PREP: variants seen among roughly 807,000 people sequenced by gnomAD.
The protein encoded by PREP is dJ355L5.1 (prolyl endopeptidase).
Under a neutral mutation model 87.6 loss-of-function variants are expected in PREP, and 29 were observed. That is an observed-to-expected ratio of 0.33 (90% CI 0.25 to 0.45). The LOEUF is 0.45. Among genes scored for constraint, PREP ranks in the 20% least tolerant of loss-of-function variants. The pLI, the probability that PREP is intolerant of heterozygous loss-of-function variation, is 1.00. For missense variants in PREP, 695 were observed against 886.5 expected (o/e 0.78, Z 2.74); for synonymous variants, 337 against 328.6 (o/e 1.03, Z -0.28).
At chr6:105,353,701 G>C (rs948212164) in intron 6 of PREP, among the ~76,000 whole-genome samples, 1 of 148,968 alleles carries the variant, frequency 6.7e-6, no homozygotes, top group African/African-American at 2.5e-5. Context: ...GAACCCAGGA[G>C]ACGGAGGTTG....
intron 4 of PREP, among the ~76,000 whole-genome samples, chr6:105,374,934 G>A (rs964892101): frequency 6.6e-5 from 10 of 151,934 alleles, no homozygotes; most frequent in East Asian, 1.9e-4. Context: ...ATGCATTATC[G>A]GGGTGGGAGT....
intron 6 of PREP, among the ~76,000 whole-genome samples, chr6:105,353,374 T>G (rs1772007713): frequency 6.6e-6 from 1 of 152,230 alleles, no homozygotes; most frequent in Non-Finnish European, 1.5e-5. Context: ...GTCTATTCTT[T>G]AAACTGAAAA....
chr6:105,277,927 T>A lies in PREP; in HGVS notation c.*217A>T. 7.7e-6 allele frequency: 5 copies of A among 649,260 alleles called. No individual in the cohort carries two copies. The highest frequency in any genetic ancestry group is 1.3e-5 in the Non-Finnish European group (5 of 390,880). 40.2% of individuals were successfully genotyped at this position (649,260 alleles called of 1,614,324 possible). On this transcript the variant is annotated 3_prime_UTR_variant, in exon 15 of 15. Coordinates refer to ENST00000652536, the MANE Select transcript of PREP (RefSeq NM_002726.5). ...TTAAAAAAAACACCAAAAAACCACA[T>A]GTGCCTAGACAGGGTGGAAAAAGAA...
intron 6 of PREP, among the ~76,000 whole-genome samples, chr6:105,356,967 T>A (rs1212507302): frequency 2.6e-5 from 4 of 152,208 alleles, no homozygotes; most frequent in Non-Finnish European, 5.9e-5. Flanking sequence ...CATTTTAAAT[T>A]TTGAACCTTT....
At chr6:105,398,767 A>G (rs1773349358) in intron 1 of PREP, among the ~76,000 whole-genome samples, 1 of 152,194 alleles carries the variant, frequency 6.6e-6, no homozygotes, top group South Asian at 2.1e-4. Flanking sequence ...GAAATTATCC[A>G]GCAGTAAAAA....
intron 2 of PREP, among the ~76,000 whole-genome samples, chr6:105,392,526 G>A (rs1474234176): frequency 6.6e-6 from 1 of 152,054 alleles, no homozygotes; most frequent in East Asian, 1.9e-4. Flanking sequence ...TACTTTTGGC[G>A]TTTAGTTTGT....
intron 2 of PREP, among the ~76,000 whole-genome samples, chr6:105,382,390 C>T (rs1456246410): frequency 1.3e-5 from 2 of 151,778 alleles, no homozygotes; most frequent in African/African-American, 2.4e-5. Context: ...ATCAAAATGA[C>T]GTGCTACACA....
intron 7 of PREP, among the ~76,000 whole-genome samples, chr6:105,345,100 C>G (rs534970208): frequency 3.7e-4 from 57 of 152,330 alleles, no homozygotes; most frequent in African/African-American, 1.2e-3. Flanking sequence ...AAACCTTGTT[C>G]TACAGGGCTT....
chr6:105,386,897 C>A (rs1263871507), intron 2 of PREP, among the ~76,000 whole-genome samples: 2 of 152,140 alleles, frequency 1.3e-5, no homozygotes, highest in East Asian at 3.9e-4. Context: ...GTGAATTAGG[C>A]ACCTAAACAT....
chr6:105,312,380 C>A (rs1165755913), intron 10 of PREP, among the ~76,000 whole-genome samples: 2 of 152,218 alleles, frequency 1.3e-5, no homozygotes, highest in Non-Finnish European at 2.9e-5. Flanking sequence ...AAATGGGCTG[C>A]ATTTGTCAAT....
chr6:105,302,712 G>A lies in PREP; in HGVS notation c.1318-13818C>T, dbSNP rs533056589. On this transcript the variant is annotated intron_variant, in intron 10 of 14. Coordinates refer to ENST00000652536, the MANE Select transcript of PREP (RefSeq NM_002726.5). ...TCTTAGAGAGCTTGGAGACCGCGCCGCCTGTCAGTGGCGATGCGCAGCTGG... is the reference window on the plus strand; with the variant it reads ...TCTTAGAGAGCTTGGAGACCGCGCCACCTGTCAGTGGCGATGCGCAGCTGG... 10 of 509,934 alleles carry A rather than the reference G, an allele frequency of 2.0e-5. 1 individual carries two copies. The East Asian group carries it at 3.5e-4, about 18-fold the overall frequency. 31.6% of individuals were successfully genotyped at this position (509,934 alleles called of 1,614,324 possible).
chr6:105,396,690 CTT>C (rs36026304), intron 2 of PREP, among the ~76,000 whole-genome samples: 6 of 146,108 alleles, frequency 4.1e-5, no homozygotes, highest in African/African-American at 1.3e-4. Flanking sequence ...GCCATTTAAC[CTT>C]TTTTTTTTTT....
At chr6:105,317,986 AT>A (rs1378065343) in intron 10 of PREP, among the ~76,000 whole-genome samples, 5 of 152,038 alleles carry the variant, frequency 3.3e-5, no homozygotes, top group Admixed American at 6.6e-5. Flanking sequence ...AGGAGCCTTC[AT>A]TTTTCCAATC....
intron 7 of PREP, among the ~76,000 whole-genome samples, chr6:105,342,991 A>T (rs1427295148): frequency 1.5e-4 from 23 of 152,214 alleles, no homozygotes; most frequent in Non-Finnish European, 2.5e-4. Flanking sequence ...CCATCAAGCT[A>T]CCAATGACTT....
intron 6 of PREP, among the ~76,000 whole-genome samples, chr6:105,367,181 T>A (rs888348892): frequency 3.3e-5 from 5 of 152,194 alleles, no homozygotes; most frequent in Non-Finnish European, 7.3e-5. Context: ...TGGTAGCATA[T>A]TTATCTTAAT....
intron 6 of PREP, among the ~76,000 whole-genome samples, chr6:105,357,811 T>C (rs1003449388): frequency 9.2e-5 from 14 of 152,080 alleles, no homozygotes; most frequent in African/African-American, 2.9e-4. Context: ...ATAAAGTTAC[T>C]TTCCTAAAAG....
intron 6 of PREP, among the ~76,000 whole-genome samples, chr6:105,355,489 T>C (rs1772073766): frequency 6.6e-6 from 1 of 152,246 alleles, no homozygotes; most frequent in African/African-American, 2.4e-5. Context: ...TTTGTTTCCC[T>C]ATATGCAATA....
At chr6:105,371,604 ACTT>A (rs1397362813) in intron 5 of PREP, among the ~76,000 whole-genome samples, 1 of 151,828 alleles carries the variant, frequency 6.6e-6, no homozygotes, top group African/African-American at 2.4e-5. Flanking sequence ...TTGAGGCTGA[ACTT>A]CTTTTTTTCA....
At chr6:105,311,269 C>A (rs1184873558) in intron 10 of PREP, among the ~76,000 whole-genome samples, 1 of 152,236 alleles carries the variant, frequency 6.6e-6, no homozygotes, top group African/African-American at 2.4e-5. Flanking sequence ...TCTGCAGTGA[C>A]TCCCATCACA....
Sources: gnomAD v4.1 joint callset for allele counts (sites outside exome capture counted in the v4.1 genomes callset) on GRCh38, gnomAD v4.1.1 for gene constraint, MANE v1.5 for transcripts, NCBI Gene and HGNC (gene_info 2026-07-23, HGNC 2026-07-21) for gene names.